Variants in FLT1 observed in about 807,000 individuals in gnomAD.
FLT1 encodes the protein vascular endothelial growth factor receptor 1.
A neutral mutation model predicts 156.3 loss-of-function variants in FLT1; 49 were observed. The observed-to-expected ratio is 0.31, with a 90% CI of 0.25 to 0.40. The LOEUF (loss-of-function observed/expected upper bound fraction) is 0.40. Among genes scored for constraint, FLT1 ranks in the 10% least tolerant of loss-of-function variants. The pLI, the probability that FLT1 is intolerant of heterozygous loss-of-function variation, is 1.00. For missense variants in FLT1, 1,322 were observed against 1,637.2 expected (o/e 0.81, Z 3.32); for synonymous variants, 594 against 583.8 (o/e 1.02, Z -0.25).
In FLT1 at chr13:28,450,260, T is replaced by C. The variant is rs149225361; in HGVS notation, c.389-11915A>G. 2.9e-3 allele frequency among the ~76,000 whole-genome samples: 440 copies of C among 152,218 alleles called. 4 individuals are homozygous for C. Among genetic ancestry groups the C allele is most frequent in the African/African-American group, 0.01 (423 of 41,536 alleles). ...TACTGATACCTGCCTTGAAGGGAAG[T>C]AGGGACCTCATTTTAAAAATTTACA... is the stretch of plus-strand genomic sequence containing the variant. On this transcript the variant is annotated intron_variant, in intron 3 of 29. Transcript: ENST00000282397.
chr13:28,429,645 T>C (rs1166771244), intron 8 of FLT1, among the ~76,000 whole-genome samples: 1 of 152,178 alleles, frequency 6.6e-6, no homozygotes, highest in Non-Finnish European at 1.5e-5. Flanking sequence ...CAGCTGTATA[T>C]AAAAGAATTA....
At position 28,319,472 on chromosome 13, in the gene FLT1, C is replaced by G. The variant is rs2138826606; in HGVS notation, c.3237G>C (p.Lys1079Asn). 6.2e-7 allele frequency: 1 copy of G among 1,614,068 alleles called. No homozygotes were observed. The highest frequency in any genetic ancestry group is 8.5e-7 in the Non-Finnish European group (1 of 1,179,958). The change falls in exon 24 of 30, where the codon AAG (lysine) becomes AAC (asparagine). Residue 1079 changes from lysine to asparagine, a missense_variant. Lys to Asn is a moderately conservative substitution (Grantham distance 94, BLOSUM62 0). Transcript: ENST00000282397. ...ATACTCCGTAAGACCACACGTCGCT[C>G]TTGGTGCTGTAGATTTTGTCAAAGA... ...ESIFDKIYST[K>N]SDVWSYGVLL...
intron 1 of FLT1, among the ~76,000 whole-genome samples, chr13:28,468,181 G>A (rs936449942): frequency 1.3e-5 from 2 of 152,014 alleles, no homozygotes; most frequent in Non-Finnish European, 2.9e-5. Context: ...TTCCTCATTT[G>A]GAAAACTAAT....
intron 28 of FLT1, 72 bp downstream of exon 28, chr13:28,308,771 C>T (rs1261702407): frequency 1.1e-5 from 10 of 897,844 alleles, no homozygotes; most frequent in East Asian, 2.4e-5. Flanking sequence ...ACATTACTGG[C>T]GTTGGTGTTT....
intron 3 of FLT1, among the ~76,000 whole-genome samples, chr13:28,457,855 T>A (rs1322508214): frequency 6.6e-6 from 1 of 152,006 alleles, no homozygotes; most frequent in Non-Finnish European, 1.5e-5. Flanking sequence ...AGGGGAAAAA[T>A]GAGAGAATAT....
chr13:28,400,639 GA>G (rs1207106546), intron 11 of FLT1, among the ~76,000 whole-genome samples: 1 of 152,016 alleles, frequency 6.6e-6, no homozygotes, highest in African/African-American at 2.4e-5. Context: ...CTGAATAAAG[GA>G]AAAAATCTGT....
At chr13:28,385,925 G>A (rs1359452248) in intron 13 of FLT1, 6 of 1,040,170 alleles carry the variant, frequency 5.8e-6, no homozygotes, top group Non-Finnish European at 7.0e-6. Context: ...GAGGGTACTG[G>A]ATTGGTAGCT....
intron 10 of FLT1, among the ~76,000 whole-genome samples, chr13:28,411,015 TG>T (rs1345159569): frequency 6.6e-6 from 1 of 152,026 alleles, no homozygotes; most frequent in African/African-American, 2.4e-5. Context: ...AGGAAAACTC[TG>T]GGGGGCCTCT....
At chr13:28,418,546 G>A (rs1327739999) in intron 10 of FLT1, among the ~76,000 whole-genome samples, 1 of 151,996 alleles carries the variant, frequency 6.6e-6, no homozygotes, top group Non-Finnish European at 1.5e-5. Flanking sequence ...ATAACCTTCT[G>A]GAAGACCAAT....
intron 1 of FLT1, among the ~76,000 whole-genome samples, chr13:28,492,015 T>G (rs11618340): frequency 0.012 from 1,776 of 152,270 alleles, 34 homozygotes; most frequent in African/African-American, 0.04. Context: ...GATGCTTCAG[T>G]TGGAAAACTG....
chr13:28,306,794 T>G (rs751175373), intron 28 of FLT1, 22 bp from the exon 29 acceptor site: 9 of 1,552,870 alleles, frequency 5.8e-6, no homozygotes, highest in Non-Finnish European at 8.0e-6. Flanking sequence ...AGGAGAAAGG[T>G]TATACTCTTG....
intron 24 of FLT1, among the ~76,000 whole-genome samples, chr13:28,318,529 T>C (rs950611623): frequency 3.9e-5 from 6 of 152,128 alleles, no homozygotes; most frequent in Non-Finnish European, 8.8e-5. Context: ...CATTTTCTAG[T>C]GATTACTGCT....
intron 1 of FLT1, among the ~76,000 whole-genome samples, chr13:28,487,500 A>G (rs1349403463): frequency 2.0e-5 from 3 of 152,244 alleles, no homozygotes; most frequent in African/African-American, 7.2e-5. Flanking sequence ...TGCTCCACCC[A>G]TTAAATAGAA....
chr13:28,460,797 T>TACGCGC (rs1566040838), intron 3 of FLT1, among the ~76,000 whole-genome samples: 1 of 145,932 alleles, frequency 6.9e-6, no homozygotes, highest in East Asian at 2.0e-4. Context: ...TCAGACCCAT[T>TACGCGC]ACACACACAC....
In FLT1 at chr13:28,396,947, ATG is replaced by A. The variant is rs760263895; in HGVS notation, c.1660+11_1660+12del. ...TCACCAGGCTGTCTCTGGTTATAGG[ATG>A]TGTGGCTTACCTGTGATATAAAAGC... On this transcript the variant is annotated intron_variant, in intron 12 of 29. Transcript: ENST00000282397. 6 of 1,429,486 alleles carry A rather than the reference ATG, an allele frequency of 4.2e-6. No individual in the cohort carries two copies. The highest frequency in any genetic ancestry group is 5.9e-6 in the Non-Finnish European group (6 of 1,011,550). The allele number at this position is 1,429,486 out of a possible 1,614,324, so 88.6% of individuals were successfully genotyped here. A position where few individuals can be genotyped will look rare whatever the true frequency, so the allele number is the denominator to read the frequency against.
At chr13:28,473,862 G>GA (rs1880393145) in intron 1 of FLT1, among the ~76,000 whole-genome samples, 1 of 150,598 alleles carries the variant, frequency 6.6e-6, no homozygotes, top group Non-Finnish European at 1.5e-5. Context: ...AAGAAAGAAA[G>GA]AACCCAATGT....
chr13:28,409,456 T>A (rs754594189), intron 10 of FLT1, among the ~76,000 whole-genome samples: 21 of 152,032 alleles, frequency 1.4e-4, no homozygotes, highest in Non-Finnish European at 3.1e-4. Context: ...AACTTCAGCC[T>A]TCCGAGTAGC....
chr13:28,425,547 T>C (rs1166451373), intron 10 of FLT1, among the ~76,000 whole-genome samples: 1 of 152,186 alleles, frequency 6.6e-6, no homozygotes, highest in Non-Finnish European at 1.5e-5. Flanking sequence ...TTTATAAATA[T>C]TATGTTCTAT....
rs183779482 is a variant in FLT1, at chr13:28,477,380, C to A, written c.65-9763G>T. Reference sequence around the variant, plus strand: ...AGGAGTTACCTTTTCCCAAAAAATGCTCTACTCCTACACCGCTGGTCTGTT... The same window carrying A: ...AGGAGTTACCTTTTCCCAAAAAATGATCTACTCCTACACCGCTGGTCTGTT... On this transcript the variant is annotated intron_variant, in intron 1 of 29. Coordinates refer to ENST00000282397, the MANE Select transcript of FLT1 (RefSeq NM_002019.4). Among the ~76,000 whole-genome samples the A allele has an allele frequency of 1.7e-3, 266 of 152,288 alleles. 1 individual carries two copies. The highest frequency in any genetic ancestry group is 1.1e-3 in the Non-Finnish European group (77 of 68,022).
Sources: gnomAD v4.1 joint callset for allele counts (sites outside exome capture counted in the v4.1 genomes callset) on GRCh38, gnomAD v4.1.1 for gene constraint, MANE v1.5 for transcripts, NCBI Gene and HGNC (gene_info 2026-07-23, HGNC 2026-07-21) for gene names.